Variants in LOC128462377 observed in about 807,000 individuals in gnomAD.
At chr16:89,380,095 C>T in the LOC128462377 span, among the ~76,000 whole-genome samples, 1 of 152,188 alleles carries the variant, frequency 6.6e-6, no homozygotes, top group African/African-American at 2.4e-5. Context: ...TCTGGTACCC[C>T]AGTTGCAAAA....
At chr16:89,338,958 AG>A in the LOC128462377 span, among the ~76,000 whole-genome samples, 1 of 152,150 alleles carries the variant, frequency 6.6e-6, no homozygotes, top group African/African-American at 2.4e-5. Context: ...AAAGCACATG[AG>A]GAACTCCTTT....
At chr16:89,415,356 C>T in the LOC128462377 span, among the ~76,000 whole-genome samples, 5 of 149,194 alleles carry the variant, frequency 3.4e-5, no homozygotes, top group Non-Finnish European at 7.4e-5. Context: ...GCTCCGCCTC[C>T]CAGGTTCACG....
At chr16:89,401,878 C>T in the LOC128462377 span, among the ~76,000 whole-genome samples, 3 of 151,660 alleles carry the variant, frequency 2.0e-5, no homozygotes, top group South Asian at 2.1e-4. Flanking sequence ...CCCCAGAACC[C>T]GCCGGGCACA....
the LOC128462377 span, among the ~76,000 whole-genome samples, chr16:89,326,447 C>T: frequency 6.6e-6 from 1 of 152,078 alleles, no homozygotes; most frequent in Non-Finnish European, 1.5e-5. Context: ...AATCTACCCC[C>T]AAATTACACA....
chr16:89,326,682 C>T, the LOC128462377 span, among the ~76,000 whole-genome samples: 3 of 152,142 alleles, frequency 2.0e-5, no homozygotes, highest in Non-Finnish European at 4.4e-5. Context: ...GTCGAGGCTG[C>T]AGTGAGCTAA....
the LOC128462377 span, among the ~76,000 whole-genome samples, chr16:89,362,387 A>G: frequency 6.6e-6 from 1 of 152,210 alleles, no homozygotes; most frequent in Non-Finnish European, 1.5e-5. Context: ...CCTGAGCTGG[A>G]GAGAGTGCAC....
chr16:89,396,193 A>G, the LOC128462377 span: 1 of 152,236 alleles, frequency 6.6e-6, no homozygotes, highest in Non-Finnish European at 1.5e-5. Flanking sequence ...CTGAAGAACT[A>G]AAAGTCTCCC....
chr16:89,344,413 C>T, the LOC128462377 span, among the ~76,000 whole-genome samples: 1 of 152,302 alleles, frequency 6.6e-6, no homozygotes, highest in East Asian at 1.9e-4. Context: ...ACTCCAGACC[C>T]CGTCAGGGCC....
chr16:89,366,106 G>A, the LOC128462377 span, among the ~76,000 whole-genome samples: 1 of 145,876 alleles, frequency 6.9e-6, no homozygotes, highest in Non-Finnish European at 1.5e-5. Flanking sequence ...CTCTAGCCTG[G>A]GTGACAAAGT....
At chr16:89,409,465 A>G in the LOC128462377 span, among the ~76,000 whole-genome samples, 1 of 152,198 alleles carries the variant, frequency 6.6e-6, no homozygotes, top group Non-Finnish European at 1.5e-5. Flanking sequence ...GGCCCTGCCC[A>G]CAGCATAAAA....
At chr16:89,338,014 A>G in the LOC128462377 span, among the ~76,000 whole-genome samples, 2 of 152,136 alleles carry the variant, frequency 1.3e-5, no homozygotes, top group African/African-American at 4.8e-5. Context: ...CTCCCACATC[A>G]GCTGGTGCCA....
At chr16:89,328,310 G>A in the LOC128462377 span, among the ~76,000 whole-genome samples, 7 of 152,304 alleles carry the variant, frequency 4.6e-5, no homozygotes, top group African/African-American at 1.4e-4. Context: ...CTAAGTGTGC[G>A]CTTGCTGCCC....
chr16:89,355,838 G>A, the LOC128462377 span, among the ~76,000 whole-genome samples: 1,128 of 152,274 alleles, frequency 7.4e-3, 21 homozygotes, highest in African/African-American at 0.026. Context: ...TCTCCTGTGC[G>A]CAGCCCAATG....
chr16:89,341,136 G>A, the LOC128462377 span, among the ~76,000 whole-genome samples: 18 of 152,130 alleles, frequency 1.2e-4, no homozygotes, highest in Admixed American at 1.0e-3. Context: ...AAGAAATCAA[G>A]GTTTCCACTG....
At chr16:89,401,190 T>C in the LOC128462377 span, among the ~76,000 whole-genome samples, 1 of 142,872 alleles carries the variant, frequency 7.0e-6, no homozygotes, top group East Asian at 2.2e-4. Context: ...GCCTCCCAAG[T>C]TCAAGCAATT....
At chr16:89,402,596 T>TG in the LOC128462377 span, among the ~76,000 whole-genome samples, 1 of 142,828 alleles carries the variant, frequency 7.0e-6, no homozygotes, top group East Asian at 2.1e-4. Context: ...GTGGGAGGAT[T>TG]GGTTGAGCCT....
the LOC128462377 span, among the ~76,000 whole-genome samples, chr16:89,394,284 C>T: frequency 6.6e-6 from 1 of 152,220 alleles, no homozygotes; most frequent in Admixed American, 6.5e-5. Context: ...GTCCGCCTCT[C>T]CTCCACACCT....
the LOC128462377 span, chr16:89,320,281 G>C: frequency 6.6e-6 from 1 of 152,256 alleles, no homozygotes; most frequent in Non-Finnish European, 1.5e-5. Context: ...ACTCCCGGGG[G>C]AGACTCTTCC....
chr16:89,365,464 T>G, the LOC128462377 span, among the ~76,000 whole-genome samples: 2 of 152,186 alleles, frequency 1.3e-5, no homozygotes, highest in African/African-American at 4.8e-5. Flanking sequence ...ATGAGAGGCC[T>G]GTGCTTGGTC....
Sources: gnomAD v4.1 joint callset for allele counts (sites outside exome capture counted in the v4.1 genomes callset) on GRCh38, gnomAD v4.1.1 for gene constraint, MANE v1.5 for transcripts.